The following PSME4 variants were observed in gnomAD, a reference collection of about 807,000 sequenced individuals.
The protein encoded by PSME4 is proteasome activator complex subunit 4.
Under a neutral mutation model 253.9 loss-of-function variants are expected in PSME4, and 89 were observed. The observed-to-expected ratio is 0.35, with a 90% confidence interval of 0.30 to 0.42. The LOEUF is 0.42. Among genes scored for constraint, PSME4 ranks in the 10% least tolerant of loss-of-function variants. PSME4 has a pLI of 1.00. For missense variants in PSME4, 2,014 were observed against 2,195.2 expected, an observed-to-expected ratio of 0.92 and a Z score of 1.65; for synonymous variants, 851 against 759.2, an observed-to-expected ratio of 1.12 and a Z score of -1.99.
At chr2:53,943,172 G>A (rs1195375322) in intron 3 of PSME4, among the ~76,000 whole-genome samples, 1 of 152,242 alleles carries the variant, frequency 6.6e-6, no homozygotes, top group Non-Finnish European at 1.5e-5. Flanking sequence ...ATAGCCAGAA[G>A]TACTTGCAGC....
intron 20 of PSME4, among the ~76,000 whole-genome samples, chr2:53,910,809 A>G (rs1222218955): frequency 1.3e-5 from 2 of 152,234 alleles, no homozygotes; most frequent in African/African-American, 2.4e-5. Context: ...TCTGAAATCT[A>G]CATTTTCTTT....
intron 36 of PSME4, among the ~76,000 whole-genome samples, chr2:53,891,329 T>C (rs1218823224): frequency 6.6e-6 from 1 of 152,164 alleles, no homozygotes; most frequent in Non-Finnish European, 1.5e-5. Flanking sequence ...GAGGTCTTGA[T>C]AAAATGCAGA....
At chr2:53,939,873 T>C (rs555769230) in intron 4 of PSME4, 83 bp downstream of exon 4, 37 of 1,255,774 alleles carry the variant, frequency 2.9e-5, no homozygotes, top group Non-Finnish European at 4.0e-5. Flanking sequence ...TTTATACTTT[T>C]CATTTCCTTT....
intron 4 of PSME4, among the ~76,000 whole-genome samples, chr2:53,938,024 G>C (rs376616980): frequency 2.0e-5 from 3 of 151,942 alleles, no homozygotes; most frequent in African/African-American, 7.2e-5. Context: ...ATCATACTTG[G>C]GATAAAGTAA....
intron 40 of PSME4, among the ~76,000 whole-genome samples, chr2:53,886,716 C>G (rs1679654934): frequency 1.3e-5 from 2 of 152,128 alleles, no homozygotes; most frequent in Non-Finnish European, 2.9e-5. Context: ...CCCTAAAGAA[C>G]TGAAAGCAGG....
Position 53,964,202 on chromosome 2 carries a change from G to GA in PSME4, c.242+6340dup, listed in dbSNP as rs1411994227. 1.1e-4 allele frequency among the ~76,000 whole-genome samples: 17 copies of GA among 151,464 alleles called. 2 individuals are homozygous for GA. The highest frequency in any genetic ancestry group is 8.5e-4 in the Admixed American group (13 of 15,218). On this transcript the variant is annotated intron_variant, in intron 1 of 46. Coordinates refer to ENST00000404125, the MANE Select transcript of PSME4 (RefSeq NM_014614.3). ...AACAGTAAGGGCCTCAAATATTTTTGAAAAAAAAGTATATGTGTGACATCA... is the reference window on the plus strand; with the variant it reads ...AACAGTAAGGGCCTCAAATATTTTTGAAAAAAAAAGTATATGTGTGACATCA...
At chr2:53,970,148 C>A (rs1470144316) in intron 1 of PSME4, among the ~76,000 whole-genome samples, 2 of 152,166 alleles carry the variant, frequency 1.3e-5, no homozygotes, top group Non-Finnish European at 2.9e-5. Flanking sequence ...AGTCAAGGAA[C>A]TCCCCCAAAG....
chr2:53,888,580 T>C, intron 38 of PSME4, 141 bp downstream of exon 38: 2 of 546,104 alleles, frequency 3.7e-6, no homozygotes, highest in Admixed American at 3.0e-5. Context: ...ACATGTTATA[T>C]GGAACCAGAT....
intron 12 of PSME4, 42 bp from the exon 13 acceptor site, chr2:53,926,065 G>T (rs1027724470): frequency 2.0e-6 from 3 of 1,485,316 alleles, no homozygotes; most frequent in East Asian, 2.3e-5. Context: ...TATAGCCTTT[G>T]TTTTTTTTTC....
chr2:53,944,637 T>C (rs527485535), intron 3 of PSME4, among the ~76,000 whole-genome samples: 14 of 152,332 alleles, frequency 9.2e-5, no homozygotes, highest in Non-Finnish European at 2.9e-5. Context: ...ACCATTTGAT[T>C]ATCATATTAA....
intron 43 of PSME4, 126 bp downstream of exon 43, chr2:53,874,213 G>T: frequency 2.2e-6 from 2 of 928,826 alleles, no homozygotes; most frequent in Non-Finnish European, 3.2e-6. Context: ...CACTGACTTC[G>T]TCTCTCAAAG....
At chr2:53,935,951 T>C in intron 7 of PSME4, 136 bp downstream of exon 7, 1 of 1,148,522 alleles carries the variant, frequency 8.7e-7, no homozygotes, top group Non-Finnish European at 1.2e-6. Context: ...TGGAGTGCAG[T>C]ACTGCAATCT....
chr2:53,939,832 T>A, intron 4 of PSME4, 124 bp downstream of exon 4: 1 of 738,384 alleles, frequency 1.4e-6, no homozygotes, highest in Admixed American at 2.7e-5. Context: ...TATGTTGTGC[T>A]CAGTGACTAA....
intron 20 of PSME4, among the ~76,000 whole-genome samples, chr2:53,918,719 TAAA>T (rs898923274): frequency 1.3e-5 from 2 of 152,180 alleles, no homozygotes; most frequent in African/African-American, 4.8e-5. Context: ...GAAAAGCACT[TAAA>T]AAATCATAAA....
chr2:53,919,902 C>T (rs1222759465), intron 19 of PSME4, among the ~76,000 whole-genome samples: 8 of 150,930 alleles, frequency 5.3e-5, no homozygotes. Flanking sequence ...AACAGGCATT[C>T]CTTTCAAAGG....
chr2:53,908,415 T>C lies in PSME4; in HGVS notation c.2689A>G (p.Ile897Val). ...CCTTGGAATTGTAAAAGGTCTCCAA[T>C]AATCTGTGTCAAAGAATTTCAAATT... ...TKSLFLIIKI[I>V]GDLLQFQGSH... Residue 897 changes from isoleucine (I) to valine (V), a missense_variant, in exon 24 of 47, where the codon ATT becomes GTT. Around this residue, in one of 4 missense-constraint regions of PSME4, gnomAD observed 989 missense variants for 1,021.1 expected, o/e 0.97. Coordinates refer to ENST00000404125, the MANE Select transcript of PSME4 (RefSeq NM_014614.3). 2 of 1,613,050 alleles carry C rather than the reference T, an allele frequency of 1.2e-6. No individual in the cohort carries two copies. Among genetic ancestry groups the C allele is most frequent in the East Asian group, 2.2e-5 (1 of 44,762 alleles).
intron 20 of PSME4, among the ~76,000 whole-genome samples, chr2:53,915,447 A>C (rs1402916859): frequency 6.6e-6 from 1 of 152,078 alleles, no homozygotes; most frequent in African/African-American, 2.4e-5. Context: ...CTCAAAAAAA[A>C]AAAGGCTGGT....
At chr2:53,887,813 A>C in intron 39 of PSME4, 45 bp downstream of exon 39, 1 of 1,511,814 alleles carries the variant, frequency 6.6e-7, no homozygotes, top group Non-Finnish European at 9.0e-7. Flanking sequence ...AAAAAAAAAC[A>C]AACAAAGAAC....
chr2:53,899,872 A>C lies in PSME4; in HGVS notation c.3422+9T>G, dbSNP rs1680314448. 6.2e-7 allele frequency: 1 copy of C among 1,611,830 alleles called. No individual in the cohort carries two copies. The highest frequency in any genetic ancestry group is 2.2e-5 in the East Asian group (1 of 44,842). On this transcript the variant is annotated intron_variant, in intron 29 of 46. Coordinates refer to ENST00000404125, the MANE Select transcript of PSME4 (RefSeq NM_014614.3). ...TGTCATCTATTGAAGTACACCATTC[A>C]TCAATTACCTTAGGGCATCGGCATT...
Sources: allele counts gnomAD v4.1 joint callset (sites outside exome capture counted in the v4.1 genomes callset), GRCh38; gene constraint gnomAD v4.1.1; regional missense constraint gnomAD v4.1.1; transcripts MANE v1.5; gene names NCBI Gene and HGNC (gene_info 2026-07-23, HGNC 2026-07-21).